The following NECTIN3 variants were observed in gnomAD, a reference collection of about 807,000 sequenced individuals.
NECTIN3 encodes nectin-3.
A neutral mutation model predicts 49.4 loss-of-function variants in NECTIN3; 8 were observed. The observed-to-expected ratio is 0.16, with a 90% CI of 0.10 to 0.29. The LOEUF is 0.29. Ranked by LOEUF, NECTIN3 falls within the 10% of genes least tolerant of loss-of-function variation. NECTIN3 has a pLI of 1.00. For synonymous variants in NECTIN3, 277 were observed against 241.1 expected, an observed-to-expected ratio of 1.15 and a Z score of -1.38; for missense variants, 581 against 654.6, an observed-to-expected ratio of 0.89 and a Z score of 1.23.
downstream of NECTIN3, among the ~76,000 whole-genome samples, chr3:111,140,031 T>C (rs965255944): frequency 5.9e-5 from 9 of 151,902 alleles, no homozygotes; most frequent in South Asian, 1.9e-3. Context: ...TTTTATACTT[T>C]CTGATTCAGT....
intron 7 of NECTIN3, among the ~76,000 whole-genome samples, chr3:111,153,862 A>G (rs548203549): frequency 1.4e-4 from 21 of 152,080 alleles, no homozygotes; most frequent in Non-Finnish European, 3.1e-4. Flanking sequence ...TGAATATTTA[A>G]TATGTGCTAG....
chr3:111,165,304 A>T (rs564810988), intron 7 of NECTIN3, among the ~76,000 whole-genome samples: 73 of 152,118 alleles, frequency 4.8e-4, no homozygotes, highest in African/African-American at 1.6e-3. Flanking sequence ...CGGCCTCCCA[A>T]AGTGCTGGGA....
downstream of NECTIN3, among the ~76,000 whole-genome samples, chr3:111,139,618 A>T (rs1274305451): frequency 6.6e-6 from 1 of 151,728 alleles, no homozygotes; most frequent in Non-Finnish European, 1.5e-5. Flanking sequence ...AGATCTATTA[A>T]CCCTGTTCTT....
At chr3:111,160,841 A>G (rs1363867866) in intron 7 of NECTIN3, among the ~76,000 whole-genome samples, 1 of 152,162 alleles carries the variant, frequency 6.6e-6, no homozygotes, top group Non-Finnish European at 1.5e-5. Flanking sequence ...CCCTGTATCT[A>G]CTAAAAATAC....
chr3:111,082,492 G>A (rs2107367315), intron 1 of NECTIN3, among the ~76,000 whole-genome samples: 1 of 152,172 alleles, frequency 6.6e-6, no homozygotes, highest in East Asian at 1.9e-4. Context: ...CGGAGGGAGA[G>A]AGAAGAAAAA....
In NECTIN3 at chr3:111,135,546, G is replaced by C; in HGVS notation, c.*1331G>C. On this transcript the variant is annotated 3_prime_UTR_variant, in exon 6 of 6. Transcript: ENST00000485303. The stretch of plus-strand genomic sequence containing the variant: ...ACAAAATTATTGTGACAACTATTTT[G>C]AAGCTGAAAGGATAGTTTTTCTATT... The C allele has an allele frequency of 1.0e-6, 1 of 981,780 alleles. No individual in the cohort carries two copies. Among genetic ancestry groups the C allele is most frequent in the Non-Finnish European group, 1.2e-6 (1 of 826,784 alleles). The allele number at this position is 981,780 out of a possible 1,614,324, so 60.8% of individuals were successfully genotyped here.
intron 5 of NECTIN3, among the ~76,000 whole-genome samples, chr3:111,144,705 TTAAAG>T (rs2034832194): frequency 6.6e-6 from 1 of 152,058 alleles, no homozygotes; most frequent in Non-Finnish European, 1.5e-5. Flanking sequence ...AGCTGAGGTA[TTAAAG>T]TAATATAAGA....
intron 5 of NECTIN3, among the ~76,000 whole-genome samples, chr3:111,128,520 C>G (rs111607269): frequency 0.014 from 2,175 of 152,150 alleles, 33 homozygotes; most frequent in Middle Eastern, 0.044. Context: ...GTATTTACAA[C>G]TTAACATATT....
intron 1 of NECTIN3, among the ~76,000 whole-genome samples, chr3:111,099,462 C>A (rs1284803280): frequency 6.6e-6 from 1 of 152,144 alleles, no homozygotes; most frequent in Non-Finnish European, 1.5e-5. Flanking sequence ...GTCTTATTTT[C>A]TTTTCTAGAT....
downstream of NECTIN3, among the ~76,000 whole-genome samples, chr3:111,141,965 A>G (rs1437784513): frequency 2.6e-5 from 4 of 151,802 alleles, no homozygotes; most frequent in African/African-American, 4.8e-5. Context: ...AAGTATGTAT[A>G]TGTTTATTTG....
intron 5 of NECTIN3, among the ~76,000 whole-genome samples, chr3:111,144,642 A>AAT (rs2034830928): frequency 6.6e-6 from 1 of 151,804 alleles, no homozygotes; most frequent in Non-Finnish European, 1.5e-5. Context: ...ACATATCGAG[A>AAT]ATATATTCTC....
rs184346953 is a variant in NECTIN3, at chr3:111,090,080, C to T, written c.160+17903C>T. Reference sequence around the variant, plus strand: ...AGCTACATAAGTTTATTTCAATTAGCGTTTGCATTTTATCTTTTTTGCAAC... The same window carrying T: ...AGCTACATAAGTTTATTTCAATTAGTGTTTGCATTTTATCTTTTTTGCAAC... On this transcript the variant is annotated intron_variant, in intron 1 of 5. Coordinates refer to ENST00000485303, the MANE Select transcript of NECTIN3 (RefSeq NM_015480.3). Among the ~76,000 whole-genome samples, 366 of 152,162 alleles carry T rather than the reference C, an allele frequency of 2.4e-3. 2 individuals are homozygous for T. Among genetic ancestry groups the T allele is most frequent in the African/African-American group, 6.9e-3 (288 of 41,534 alleles).
Position 111,133,786 on chromosome 3 carries a change from T to TAGTGTAGTGGGTGGGGCTCTCTTC in NECTIN3, c.1223_1246dup (p.Ser408_Phe415dup). 1 of 1,613,986 alleles carries TAGTGTAGTGGGTGGGGCTCTCTTC rather than the reference T, an allele frequency of 6.2e-7. No individual in the cohort carries two copies. On this transcript the variant is annotated inframe_insertion, in exon 6 of 6. Transcript: ENST00000485303. ...ATGACACAATTGCCACGATCATTGCTAGTGTAGTGGGTGGGGCTCTCTTCA... is the reference window on the plus strand; with the variant it reads ...ATGACACAATTGCCACGATCATTGCTAGTGTAGTGGGTGGGGCTCTCTTCAGTGTAGTGGGTGGGGCTCTCTTCA...
intron 1 of NECTIN3, among the ~76,000 whole-genome samples, chr3:111,090,104 A>T: frequency 6.6e-6 from 1 of 152,112 alleles, no homozygotes; most frequent in Non-Finnish European, 1.5e-5. Flanking sequence ...CTTTTTTGCA[A>T]CCTTTACTCT....
chr3:111,191,085 A>C (rs1009737987), upstream of NECTIN3, among the ~76,000 whole-genome samples: 1 of 152,196 alleles, frequency 6.6e-6, no homozygotes, highest in African/African-American at 2.4e-5. Flanking sequence ...TAATGCCTGC[A>C]TGTGGAGACA....
intron 7 of NECTIN3, among the ~76,000 whole-genome samples, chr3:111,161,607 G>A (rs925283161): frequency 1.3e-5 from 2 of 152,122 alleles, no homozygotes; most frequent in African/African-American, 2.4e-5. Context: ...GATTCTCATA[G>A]GAGCACAAAC....
intron 1 of NECTIN3, chr3:111,077,344 T>TTAAAA (rs551266587): frequency 1.3e-5 from 1 of 79,336 alleles, no homozygotes; most frequent in South Asian, 4.3e-4. Context: ...ACTTTAATGG[T>TTAAAA]AAAAAAAAAA....
intron 1 of NECTIN3, among the ~76,000 whole-genome samples, chr3:111,101,159 T>A (rs754975545): frequency 1.3e-5 from 2 of 152,094 alleles, no homozygotes; most frequent in Non-Finnish European, 2.9e-5. Flanking sequence ...GTGCTTCTCT[T>A]CTGAAAATAT....
chr3:111,089,097 T>C (rs896391483), intron 1 of NECTIN3, among the ~76,000 whole-genome samples: 15 of 152,094 alleles, frequency 9.9e-5, no homozygotes, highest in African/African-American at 3.4e-4. Flanking sequence ...GTTCATAATA[T>C]TTTCTTATCG....
Sources: allele counts gnomAD v4.1 joint callset (sites outside exome capture counted in the v4.1 genomes callset), GRCh38; gene constraint gnomAD v4.1.1; transcripts MANE v1.5; gene names NCBI Gene and HGNC (gene_info 2026-07-23, HGNC 2026-07-21).